The following SCN9A variants were observed in gnomAD, a reference collection of about 807,000 sequenced individuals.
SCN9A encodes the protein sodium voltage-gated channel alpha subunit 9.
A neutral mutation model predicts 187.0 loss-of-function variants in SCN9A; 131 were observed. The observed-to-expected ratio is 0.70, with a 90% CI of 0.61 to 0.81. The LOEUF (loss-of-function observed/expected upper bound fraction) is 0.81, where lower values mean the gene tolerates loss of function less well. SCN9A is among the 30% of genes least tolerant of loss of function. The pLI is 0.00. For synonymous variants in SCN9A, 809 were observed against 808.6 expected, an observed-to-expected ratio of 1.00 and a Z score of -0.01; for missense variants, 2,252 against 2,396.6, an observed-to-expected ratio of 0.94 and a Z score of 1.26.
At chr2:166,206,572 T>G (rs1245173625) in intron 24 of SCN9A, among the ~76,000 whole-genome samples, 1 of 152,076 alleles carries the variant, frequency 6.6e-6, no homozygotes, top group Non-Finnish European at 1.5e-5. Flanking sequence ...AAATGATGAG[T>G]TGATTGGTGC....
intron 18 of SCN9A, among the ~76,000 whole-genome samples, chr2:166,251,372 G>A (rs188569735): frequency 8.0e-4 from 122 of 152,178 alleles, no homozygotes; most frequent in African/African-American, 2.8e-3. Flanking sequence ...GAGAGAGACT[G>A]TAGTCAACAG....
chr2:166,200,321 C>A (rs1297996404), intron 26 of SCN9A, among the ~76,000 whole-genome samples: 1 of 151,848 alleles, frequency 6.6e-6, no homozygotes, highest in Non-Finnish European at 1.5e-5. Context: ...ATACTGAATG[C>A]AATTACTTAA....
chr2:166,306,018 A>T, intron 4 of SCN9A, 98 bp from the exon 5 acceptor site: 1 of 1,425,388 alleles, frequency 7.0e-7, no homozygotes, highest in Non-Finnish European at 9.7e-7. Flanking sequence ...ACTGGAAGAC[A>T]TATATTGGAG....
rs527655882 is a variant in SCN9A at position 166,358,351 on chromosome 2, T to G, written c.-51+17346A>C. 6.6e-5 allele frequency among the ~76,000 whole-genome samples: 10 copies of G among 152,130 alleles called. 1 individual carries two copies. In the South Asian group the frequency reaches 1.0e-3, roughly 16 times the overall value. ...TCCCAAAGTGCTGGGATCACAAACA[T>G]GAGCCACCACACCCGGCCGAAAACT... On this transcript the variant is annotated intron_variant, in intron 1 of 26. Coordinates refer to ENST00000642356, the MANE Select transcript of SCN9A (RefSeq NM_001365536.1).
intron 22 of SCN9A, among the ~76,000 whole-genome samples, chr2:166,228,301 G>A (rs1003552918): frequency 5.3e-5 from 7 of 131,900 alleles, no homozygotes; most frequent in African/African-American, 2.0e-4. Flanking sequence ...CTGTAGCCCA[G>A]GCTGGAGTGC....
chr2:166,268,287 C>T (rs1385741416), intron 17 of SCN9A, among the ~76,000 whole-genome samples: 1 of 151,976 alleles, frequency 6.6e-6, no homozygotes, highest in Non-Finnish European at 1.5e-5. Flanking sequence ...GCATTCTTAA[C>T]TATATCCCAA....
chr2:166,333,390 T>A (rs925387895), intron 1 of SCN9A, among the ~76,000 whole-genome samples: 3 of 152,126 alleles, frequency 2.0e-5, no homozygotes, highest in Non-Finnish European at 4.4e-5. Flanking sequence ...AAATTCCTTA[T>A]AGTTAAAGCC....
intron 11 of SCN9A, among the ~76,000 whole-genome samples, chr2:166,285,216 A>G (rs1274204799): frequency 6.6e-6 from 1 of 152,224 alleles, no homozygotes; most frequent in African/African-American, 2.4e-5. Flanking sequence ...ATTGGAAATC[A>G]TGCTGTATGG....
intron 1 of SCN9A, among the ~76,000 whole-genome samples, chr2:166,315,712 G>A (rs1045758963): frequency 6.6e-6 from 1 of 152,172 alleles, no homozygotes; most frequent in African/African-American, 2.4e-5. Context: ...CAGTGGGGTG[G>A]CAAGATGATA....
intron 1 of SCN9A, among the ~76,000 whole-genome samples, chr2:166,361,688 GT>G (rs1266301012): frequency 6.6e-6 from 1 of 152,104 alleles, no homozygotes; most frequent in Non-Finnish European, 1.5e-5. Flanking sequence ...AATGTGGCAA[GT>G]GCATAAAAGT....
At chr2:166,330,662 T>G (rs1156441394) in intron 1 of SCN9A, among the ~76,000 whole-genome samples, 1 of 152,132 alleles carries the variant, frequency 6.6e-6, no homozygotes, top group African/African-American at 2.4e-5. Context: ...AGGTAGGTTT[T>G]GGGACGAAAC....
intron 4 of SCN9A, 139 bp downstream of exon 4, chr2:166,306,371 G>A (rs1698757117): frequency 1.5e-6 from 1 of 649,524 alleles, no homozygotes; most frequent in Non-Finnish European, 2.8e-6. Flanking sequence ...AGGAGGTAAA[G>A]AACAAAAGAA....
chr2:166,274,860 A>G (rs1436326713), intron 16 of SCN9A, among the ~76,000 whole-genome samples: 1 of 152,204 alleles, frequency 6.6e-6, no homozygotes, highest in Non-Finnish European at 1.5e-5. Context: ...GGCCCACTTC[A>G]AAAACCTCCC....
At chr2:166,296,119 T>C (rs1698290421) in intron 7 of SCN9A, 1 of 152,216 alleles carries the variant, frequency 6.6e-6, no homozygotes, top group African/African-American at 2.4e-5. Context: ...GTTGCTTCTA[T>C]CCCTTCTTAA....
rs558455181 is a variant in SCN9A at position 166,228,721 on chromosome 2, G to A, written c.4176C>T (p.Val1392=). 4.9e-5 allele frequency: 79 copies of A among 1,613,338 alleles called. No homozygotes were observed. In the East Asian group the frequency reaches 1.2e-3, roughly 25 times the overall value. Residue 1392 remains valine (V), a synonymous_variant, in exon 22 of 27, where the codon GTC becomes GTT. Coordinates refer to ENST00000642356, the MANE Select transcript of SCN9A (RefSeq NM_001365536.1). ...WKNLKVNFDN[V]GLGYLSLLQV... is the part of the protein sequence containing the mutation. ...GAAGCAGAGATAGGTAACCAAGTCC[G>A]ACATTATCAAAGTTCACTTTCAGGT...
intron 1 of SCN9A, among the ~76,000 whole-genome samples, chr2:166,363,586 A>G (rs1396578924): frequency 6.6e-6 from 1 of 152,004 alleles, no homozygotes; most frequent in Non-Finnish European, 1.5e-5. Context: ...TGGAAGGCAC[A>G]TGTTCAGAGT....
intron 1 of SCN9A, among the ~76,000 whole-genome samples, chr2:166,344,378 G>A (rs897693606): frequency 1.3e-5 from 2 of 152,082 alleles, no homozygotes; most frequent in African/African-American, 4.8e-5. Flanking sequence ...ACTATCACCT[G>A]GGAGTCAACA....
intron 19 of SCN9A, among the ~76,000 whole-genome samples, chr2:166,239,082 A>T (rs1454077497): frequency 6.6e-6 from 1 of 152,180 alleles, no homozygotes; most frequent in African/African-American, 2.4e-5. Flanking sequence ...GTGAAAGGAC[A>T]GGGTGACTTT....
intron 7 of SCN9A, among the ~76,000 whole-genome samples, chr2:166,297,133 C>T (rs1698339248): frequency 7.6e-6 from 1 of 130,900 alleles, no homozygotes; most frequent in South Asian, 2.5e-4. Context: ...GGAGGCGGAG[C>T]TTACAGTGAG....
Sources: allele counts gnomAD v4.1 joint callset (sites outside exome capture counted in the v4.1 genomes callset), GRCh38; gene constraint gnomAD v4.1.1; transcripts MANE v1.5; gene names NCBI Gene and HGNC (gene_info 2026-07-23, HGNC 2026-07-21).